The following MOB4 variants were observed in gnomAD, a reference collection of about 807,000 sequenced individuals.
The protein encoded by MOB4 is MOB family member 4, phocein.
A neutral mutation model predicts 32.2 loss-of-function variants in MOB4; 4 were observed. That is an observed-to-expected ratio of 0.12 (90% CI 0.06 to 0.28). The LOEUF (loss-of-function observed/expected upper bound fraction) is 0.28. Ranked by LOEUF, MOB4 falls within the 10% of genes least tolerant of loss-of-function variation. The probability of loss-of-function intolerance (pLI) is 1.00; values close to 1 mark genes in which losing one functional copy is unlikely to be tolerated. For synonymous variants in MOB4, 88 were observed against 88.1 expected, an observed-to-expected ratio of 1.00 and a Z score of 0.01; for missense variants, 158 against 271.2, an observed-to-expected ratio of 0.58 and a Z score of 2.93.
At chr2:197,524,094 AG>A (rs1412980742) in intron 2 of MOB4, among the ~76,000 whole-genome samples, 8 of 152,202 alleles carry the variant, frequency 5.3e-5, no homozygotes, top group African/African-American at 1.9e-4. Flanking sequence ...TAAATTAGCC[AG>A]GCATGGTGGC....
Position 197,548,320 on chromosome 2 carries a change from ATTC to A in MOB4, c.355-13_355-11del. On this transcript the variant is annotated splice_polypyrimidine_tract_variant and intron_variant, in intron 5 of 7. Coordinates refer to ENST00000323303, the MANE Select transcript of MOB4 (RefSeq NM_015387.5). ...GAGCTCTTTGTTGATGCATTTCTATATTCTTTCTTTTGTAGTGTCCTGCTATAG... is the reference window on the plus strand; with the variant it reads ...GAGCTCTTTGTTGATGCATTTCTATATTTCTTTTGTAGTGTCCTGCTATAG... 1 of 1,596,738 alleles carries A rather than the reference ATTC, an allele frequency of 6.3e-7. No homozygotes were observed. Among genetic ancestry groups the A allele is most frequent in the Non-Finnish European group, 8.5e-7 (1 of 1,170,682 alleles).
At position 197,550,311 on chromosome 2, in the gene MOB4, A is replaced by T. The variant is rs1236584946; in HGVS notation, c.471A>T (p.Gly157=). 1 of 1,613,600 alleles carries T rather than the reference A, an allele frequency of 6.2e-7. No individual in the cohort carries two copies. The highest frequency in any genetic ancestry group is 8.5e-7 in the Non-Finnish European group (1 of 1,179,940). ...AGGAATCATCTGTAGCGAAACTAGG[A>T]TCAGTATGCCGTAGGATTTACAGAA... is the stretch of plus-strand genomic sequence containing the variant. The part of the protein sequence containing the change: ...SIKESSVAKL[G]SVCRRIYRIF... The change falls in exon 7 of 8, where the codon GGA becomes GGT. Residue 157 remains glycine, a synonymous_variant. Transcript: ENST00000323303.
At chr2:197,528,150 T>G (rs746187049) in intron 2 of MOB4, among the ~76,000 whole-genome samples, 1 of 152,226 alleles carries the variant, frequency 6.6e-6, no homozygotes, top group Non-Finnish European at 1.5e-5. Context: ...AACATTGATG[T>G]GCTGAATGTT....
At chr2:197,541,031 G>A (rs2086887843) in intron 5 of MOB4, among the ~76,000 whole-genome samples, 1 of 151,438 alleles carries the variant, frequency 6.6e-6, no homozygotes, top group South Asian at 2.1e-4. Flanking sequence ...CTCCCAAGTG[G>A]CTGAGATTAC....
intron 5 of MOB4, among the ~76,000 whole-genome samples, chr2:197,543,367 A>G (rs1296476812): frequency 6.6e-6 from 1 of 151,990 alleles, no homozygotes; most frequent in Non-Finnish European, 1.5e-5. Flanking sequence ...ACATCTCAAA[A>G]CCACAGACAG....
rs537877053 is a variant in MOB4, at chr2:197,525,302, C to T, written c.123+1616C>T. On this transcript the variant is annotated intron_variant, in intron 2 of 7. Coordinates refer to ENST00000323303, the MANE Select transcript of MOB4 (RefSeq NM_015387.5). ...CAGTGAGCCTGCAGTGAGCCGAGATCGTGCCACTGCACTCCAGCTTGGGGG... is the reference window on the plus strand; with the variant it reads ...CAGTGAGCCTGCAGTGAGCCGAGATTGTGCCACTGCACTCCAGCTTGGGGG... 2.5e-3 allele frequency among the ~76,000 whole-genome samples: 374 copies of T among 150,380 alleles called. 1 individual carries two copies. The highest frequency in any genetic ancestry group is 8.3e-3 in the African/African-American group (337 of 40,766).
intron 2 of MOB4, among the ~76,000 whole-genome samples, chr2:197,532,115 G>A (rs576373656): frequency 3.3e-5 from 5 of 151,906 alleles, no homozygotes; most frequent in Non-Finnish European, 7.4e-5. Context: ...CACCATGTTG[G>A]CCAGGCTGGT....
At chr2:197,522,517 G>A (rs1244993272) in intron 1 of MOB4, among the ~76,000 whole-genome samples, 1 of 151,148 alleles carries the variant, frequency 6.6e-6, no homozygotes, top group East Asian at 2.0e-4. Flanking sequence ...TTTTAGTAGA[G>A]ACGGGGTTTC....
intron 2 of MOB4, among the ~76,000 whole-genome samples, chr2:197,524,169 G>C (rs535484185): frequency 6.6e-6 from 1 of 152,154 alleles, no homozygotes; most frequent in East Asian, 1.9e-4. Flanking sequence ...CCTACTTCAA[G>C]GGTCTAATGA....
At chr2:197,526,130 C>G (rs1283820707) in intron 2 of MOB4, among the ~76,000 whole-genome samples, 1 of 152,060 alleles carries the variant, frequency 6.6e-6, no homozygotes, top group African/African-American at 2.4e-5. Context: ...TAGAGGAGAG[C>G]TTTTAGTTTT....
At chr2:197,515,883 A>G (rs920769852), upstream of MOB4, 31 of 567,612 alleles carry the variant, frequency 5.5e-5, no homozygotes, top group Middle Eastern at 4.7e-4. Flanking sequence ...GCCAGTAGCC[A>G]CCCGACGCCG....
chr2:197,526,640 A>G (rs1419766730), intron 2 of MOB4, among the ~76,000 whole-genome samples: 1 of 151,936 alleles, frequency 6.6e-6, no homozygotes, highest in South Asian at 2.1e-4. Context: ...AATGTTTGGT[A>G]TTTTCTTTAA....
rs2087092733 is a variant in MOB4 at position 197,551,252 on chromosome 2, A to G, written c.*606A>G. 1 of 152,500 alleles carries G rather than the reference A, an allele frequency of 6.6e-6. No individual in the cohort carries two copies. Among genetic ancestry groups the G allele is most frequent in the Non-Finnish European group, 1.5e-5 (1 of 68,038 alleles). The allele number at this position is 152,500 out of a possible 1,614,324, so 9.4% of individuals were successfully genotyped here. On this transcript the variant is annotated 3_prime_UTR_variant, in exon 8 of 8. Transcript: ENST00000323303. ...GCTACATAAAGTATAACATACTTGGAAAGGATTTACCGTTCTGCAACAACG... is the reference window on the plus strand; with the variant it reads ...GCTACATAAAGTATAACATACTTGGGAAGGATTTACCGTTCTGCAACAACG...
intron 5 of MOB4, among the ~76,000 whole-genome samples, chr2:197,547,781 T>C (rs1342959974): frequency 1.3e-5 from 2 of 152,342 alleles, no homozygotes; most frequent in Middle Eastern, 3.4e-3. Context: ...GACAATTACT[T>C]TGCAGTTTTA....
chr2:197,532,732 A>C (rs952021567), intron 2 of MOB4, among the ~76,000 whole-genome samples: 3 of 151,916 alleles, frequency 2.0e-5, no homozygotes, highest in African/African-American at 7.3e-5. Context: ...GGGACTCACT[A>C]TATGAAGGAG....
chr2:197,530,774 T>C (rs531165899), intron 2 of MOB4, among the ~76,000 whole-genome samples: 1 of 152,222 alleles, frequency 6.6e-6, no homozygotes, highest in South Asian at 2.1e-4. Flanking sequence ...CTAATTTTTA[T>C]GTTTTGTAGA....
At chr2:197,533,754 A>C in intron 2 of MOB4, 1 of 360,618 alleles carries the variant, frequency 2.8e-6, no homozygotes, top group South Asian at 2.4e-5. Context: ...AAAGTATTTG[A>C]TCCCTTTCCC....
intron 1 of MOB4, among the ~76,000 whole-genome samples, chr2:197,519,182 C>G (rs2086470901): frequency 6.6e-6 from 1 of 152,218 alleles, no homozygotes; most frequent in South Asian, 2.1e-4. Context: ...AGGCGCAAGC[C>G]ACCACGCTGG....
intron 1 of MOB4, among the ~76,000 whole-genome samples, chr2:197,518,734 A>T (rs1217077774): frequency 6.7e-6 from 1 of 150,156 alleles, no homozygotes; most frequent in Non-Finnish European, 1.5e-5. Context: ...GGCTAATTTT[A>T]TTTTTATTTT....
Sources: allele counts gnomAD v4.1 joint callset (sites outside exome capture counted in the v4.1 genomes callset), GRCh38; gene constraint gnomAD v4.1.1; transcripts MANE v1.5; gene names NCBI Gene and HGNC (gene_info 2026-07-23, HGNC 2026-07-21).